Variants in CAST observed in about 807,000 individuals in gnomAD.
CAST encodes the protein MIR583 host.
A neutral mutation model predicts 119.6 loss-of-function variants in CAST; 76 were observed. The ratio of observed to expected loss-of-function variants is 0.64; its 90% CI spans 0.53 to 0.77. CAST has a LOEUF of 0.77. Among genes scored for constraint, CAST ranks in the 30% least tolerant of loss-of-function variants. The pLI is 0.00. For missense variants in CAST, 953 were observed against 946.5 expected (o/e 1.01, Z -0.09); for synonymous variants, 319 against 331.6 (o/e 0.96, Z 0.41).
chr5:96,294,688 A>T, the CAST span, among the ~76,000 whole-genome samples: 1 of 152,218 alleles, frequency 6.6e-6, no homozygotes, highest in East Asian at 1.9e-4. Context: ...ACATTTTCTC[A>T]TTTAAAACAA....
the CAST span, among the ~76,000 whole-genome samples, chr5:96,198,981 C>T: frequency 6.6e-6 from 1 of 152,120 alleles, no homozygotes; most frequent in Non-Finnish European, 1.5e-5. Flanking sequence ...GGTCTTATGA[C>T]TTAAACACAG....
At chr5:96,047,352 G>T in the CAST span, among the ~76,000 whole-genome samples, 1 of 152,068 alleles carries the variant, frequency 6.6e-6, no homozygotes, top group Non-Finnish European at 1.5e-5. Flanking sequence ...GTGAATTATG[G>T]CAAATTCTAC....
At chr5:96,435,279 A>G in the CAST span, among the ~76,000 whole-genome samples, 1 of 152,326 alleles carries the variant, frequency 6.6e-6, no homozygotes, top group East Asian at 1.9e-4. Flanking sequence ...ATTTGTCTTA[A>G]ATGGAGCACC....
At chr5:96,063,449 C>T in the CAST span, among the ~76,000 whole-genome samples, 1 of 152,184 alleles carries the variant, frequency 6.6e-6, no homozygotes, top group African/African-American at 2.4e-5. Flanking sequence ...TCAACTACTC[C>T]TTGTGCCCAT....
At chr5:96,516,494 A>G in the CAST span, among the ~76,000 whole-genome samples, 1 of 152,212 alleles carries the variant, frequency 6.6e-6, no homozygotes, top group African/African-American at 2.4e-5. Flanking sequence ...ATCATGCAGA[A>G]TTAGGAAGGT....
chr5:96,649,000 G>A (rs1208793083), intron 1 of CAST, among the ~76,000 whole-genome samples: 1 of 152,098 alleles, frequency 6.6e-6, no homozygotes, highest in Non-Finnish European at 1.5e-5. Context: ...TAGCTCTGTC[G>A]ATGTATGGCT....
intron 12 of CAST, 122 bp downstream of exon 12, chr5:96,740,240 C>T: frequency 1.6e-6 from 1 of 607,292 alleles, no homozygotes; most frequent in South Asian, 2.2e-5. Flanking sequence ...ATTGTCATTA[C>T]TATGAAGCTC....
chr5:96,386,099 C>A, the CAST span, among the ~76,000 whole-genome samples: 1 of 152,196 alleles, frequency 6.6e-6, no homozygotes, highest in Non-Finnish European at 1.5e-5. Flanking sequence ...TTTAATTAAA[C>A]AATGCACTGT....
the CAST span, among the ~76,000 whole-genome samples, chr5:96,108,043 C>T: frequency 8.0e-5 from 12 of 150,498 alleles, no homozygotes; most frequent in South Asian, 2.1e-4. Flanking sequence ...GCATTCTTCA[C>T]GTAGTTCTCG....
chr5:96,282,034 A>G, the CAST span, among the ~76,000 whole-genome samples: 2 of 152,182 alleles, frequency 1.3e-5, no homozygotes, highest in African/African-American at 4.8e-5. Context: ...CCATTGTTGA[A>G]CGATCACTTT....
the CAST span, among the ~76,000 whole-genome samples, chr5:96,396,556 C>T: frequency 1.6e-4 from 19 of 118,252 alleles, no homozygotes; most frequent in African/African-American, 2.1e-4. Context: ...AGCAAGACTC[C>T]GTCTCAAAAA....
chr5:96,262,795 A>G, the CAST span, among the ~76,000 whole-genome samples: 1 of 152,046 alleles, frequency 6.6e-6, no homozygotes, highest in Non-Finnish European at 1.5e-5. Context: ...TCGGCTTCCC[A>G]AAGTGCTGGG....
chr5:96,762,123 A>G (rs1488232476), intron 24 of CAST, 151 bp from the exon 25 acceptor site: 4 of 457,202 alleles, frequency 8.7e-6, no homozygotes, highest in Non-Finnish European at 1.6e-5. Flanking sequence ...AAGAATTTAA[A>G]TTTCTTTTAA....
chr5:96,088,759 T>C, the CAST span, among the ~76,000 whole-genome samples: 2 of 152,198 alleles, frequency 1.3e-5, no homozygotes, highest in Non-Finnish European at 2.9e-5. Flanking sequence ...TTCTGATGTA[T>C]TGTCCCTCCC....
At chr5:96,385,685 T>C in the CAST span, among the ~76,000 whole-genome samples, 3 of 152,210 alleles carry the variant, frequency 2.0e-5, no homozygotes, top group East Asian at 3.8e-4. Flanking sequence ...AGTAGATTCC[T>C]ATGGTTCAGG....
chr5:96,223,159 G>A, the CAST span, among the ~76,000 whole-genome samples: 4 of 152,036 alleles, frequency 2.6e-5, no homozygotes, highest in East Asian at 7.7e-4. Flanking sequence ...TGGTGAATGG[G>A]TACAAACTTA....
chr5:96,141,583 C>T, the CAST span, among the ~76,000 whole-genome samples: 1 of 152,178 alleles, frequency 6.6e-6, no homozygotes, highest in Non-Finnish European at 1.5e-5. Flanking sequence ...CACACCATGC[C>T]CCAGTTTGCC....
At chr5:96,450,260 C>CA in the CAST span, among the ~76,000 whole-genome samples, 3 of 151,982 alleles carry the variant, frequency 2.0e-5, no homozygotes, top group Admixed American at 1.3e-4. Context: ...ACTACTCAGC[C>CA]AAAAAATAAA....
chr5:96,437,444 C>T, the CAST span, among the ~76,000 whole-genome samples: 6 of 152,196 alleles, frequency 3.9e-5, no homozygotes, highest in African/African-American at 1.4e-4. Flanking sequence ...AGCATCCCTG[C>T]TTCTGCTTGC....
Sources: allele counts gnomAD v4.1 joint callset (sites outside exome capture counted in the v4.1 genomes callset), GRCh38; gene constraint gnomAD v4.1.1; transcripts MANE v1.5; gene names NCBI Gene and HGNC (gene_info 2026-07-23, HGNC 2026-07-21).